FLG: variants seen among roughly 807,000 people sequenced by gnomAD.
FLG encodes the protein filaggrin.
Under a neutral mutation model 3.8 loss-of-function variants are expected in FLG, and 6 were observed. The observed-to-expected ratio is 1.60, with a 90% CI of 0.87 to 3.15. The LOEUF (loss-of-function observed/expected upper bound fraction) is 3.15, where lower values mean the gene tolerates loss of function less well. FLG is among the 30% of genes most tolerant of loss of function. The pLI is 0.00. For missense variants in FLG, 7,595 were observed against 5,050.9 expected, an observed-to-expected ratio of 1.50 and a Z score of -15.27; for synonymous variants, 2,551 against 1,931.6, an observed-to-expected ratio of 1.32 and a Z score of -8.41.
rs150137199 is a variant in FLG, at chr1:152,311,569, C to A, written c.3317G>T (p.Trp1106Leu). 1.1e-4 allele frequency: 183 copies of A among 1,613,810 alleles called. No homozygotes were observed. Among genetic ancestry groups the A allele is most frequent in the Non-Finnish European group, 1.5e-4 (182 of 1,179,956 alleles). Residue 1106 changes from tryptophan (W) to leucine (L), a missense_variant, in exon 3 of 3, where the codon TGG becomes TTG. Physicochemically the swap from Trp to Leu is moderately conservative, Grantham distance 61. Coordinates refer to ENST00000368799, the MANE Select transcript of FLG (RefSeq NM_002016.2). ...TGAACGTCCAGACCTTCCCCCTGAC[C>A]AGTCACGTGCGGACTCTTGGTGGCT... ...QQSHQESARD[W>L]SGGRSGRSGS...
rs754227941 is a variant in FLG at position 152,304,685 on chromosome 1, C to A, written c.10201G>T (p.Gly3401Trp). Residue 3401 changes from glycine to tryptophan, a missense_variant, in exon 3 of 3, where the codon GGG (glycine) becomes TGG (tryptophan). Gly to Trp is a radical substitution (Grantham distance 184). Coordinates refer to ENST00000368799, the MANE Select transcript of FLG (RefSeq NM_002016.2). ...STHEQSESAH[G>W]RTRTSTGRRQ... ...CGTCCAGTGCTGGTCCTGGTCCGCC[C>A]ATGGGCAGACTCAGACTGTTCATGA... The A allele has an allele frequency of 6.2e-7, 1 of 1,612,650 alleles. No homozygotes were observed. Among genetic ancestry groups the A allele is most frequent in the East Asian group, 2.2e-5 (1 of 44,654 alleles).
Position 152,305,595 on chromosome 1 carries a change from G to C in FLG, c.9291C>G (p.Ser3097Arg), listed in dbSNP as rs1557872191. 4.0e-6 allele frequency: 6 copies of C among 1,501,836 alleles called. 1 individual carries two copies. The highest frequency in any genetic ancestry group is 5.3e-6 in the Non-Finnish European group (6 of 1,129,818). The allele number at this position is 1,501,836 out of a possible 1,614,324, so 93.0% of individuals were successfully genotyped here. ...QGSRHEQAQDSSRHSASQYGQ... is the reference protein window; with the variant it reads ...QGSRHEQAQDRSRHSASQYGQ... ...CGTATTGGGATGCTGAGTGCCTGGA[G>C]CTGTCTTGTGCCTGCTCATGGCGGG... Residue 3097 changes from serine to arginine, a missense_variant, in exon 3 of 3, where the codon AGC (serine) becomes AGG (arginine). By Grantham distance (110) the Ser-to-Arg change is moderately radical. Coordinates refer to ENST00000368799, the MANE Select transcript of FLG (RefSeq NM_002016.2).
rs370891418 is a variant in FLG at position 152,314,225 on chromosome 1, C to A, written c.661G>T (p.Gly221Ter). The change falls in exon 3 of 3, where the codon GGA becomes TGA. Residue 221 changes from glycine to a stop codon, truncating the protein, a stop_gained. Transcript: ENST00000368799. LOFTEE classifies it low-confidence loss of function (END_TRUNC). ...EEGVYDYENT[G>*]RMTQKWIQSG... The stretch of plus-strand genomic sequence containing the variant: ...TGTATCCATTTTTGAGTCATTCTTC[C>A]TGTATTTTCATAATCATATACTCCT... 1.2e-6 allele frequency: 2 copies of A among 1,613,732 alleles called. No individual in the cohort carries two copies. Among genetic ancestry groups the A allele is most frequent in the South Asian group, 1.1e-5 (1 of 91,072 alleles).
At position 152,312,533 on chromosome 1, in the gene FLG, C is replaced by A. The variant is rs1271847995; in HGVS notation, c.2353G>T (p.Glu785Ter). ...HQESARDRSGERSRRSGSFLY... is the reference protein window; with the variant it reads ...HQESARDRSG Reference sequence around the variant, plus strand: ...AAAGACCCTGAACGTCGAGACCTTTCCCCTGACCGGTCACGTGCGGACTCT... The same window carrying A: ...AAAGACCCTGAACGTCGAGACCTTTACCCTGACCGGTCACGTGCGGACTCT... Residue 785 changes from glutamate to a stop codon, truncating the protein, a stop_gained, in exon 3 of 3, where the codon GAA becomes TAA. Coordinates refer to ENST00000368799, the MANE Select transcript of FLG (RefSeq NM_002016.2). LOFTEE classifies it low-confidence loss of function (END_TRUNC). 1.9e-6 allele frequency: 3 copies of A among 1,613,438 alleles called. No homozygotes were observed. In the Admixed American group the frequency reaches 5.0e-5, roughly 27 times the overall value.
rs769130811 is a variant in FLG, at chr1:152,308,555, T to C, written c.6331A>G (p.Thr2111Ala). 23 of 1,614,094 alleles carry C rather than the reference T, an allele frequency of 1.4e-5. No homozygotes were observed. The highest frequency in any genetic ancestry group is 7.7e-5 in the South Asian group (7 of 91,068). Residue 2111 changes from threonine to alanine, a missense_variant, in exon 3 of 3, where the codon ACT becomes GCT. Coordinates refer to ENST00000368799, the MANE Select transcript of FLG (RefSeq NM_002016.2). ...ESTHGQSAPS[T>A]GGRQGSHYDQ... ...TAATGGGATCCTTGTCTTCCTCCAG[T>C]GCTGGGCGCAGACTGTCCATGGGTG...
chr1:152,310,336 T>C lies in FLG; in HGVS notation c.4550A>G (p.Tyr1517Cys). The C allele has an allele frequency of 1.9e-6, 3 of 1,613,764 alleles. No individual in the cohort carries two copies. The highest frequency in any genetic ancestry group is 2.5e-6 in the Non-Finnish European group (3 of 1,179,938). ...CTGGGGTGTGGTGTGGCTGTGATGG[T>C]ACCCTGAGTGTCCAGACCTATCTAC... ...QSVDRSGHSG[Y>C]HHSHTTPQGR... The change falls in exon 3 of 3, where the codon TAC becomes TGC. Residue 1517 changes from tyrosine to cysteine, a missense_variant. By Grantham distance (194) the Tyr-to-Cys change is radical. Transcript: ENST00000368799.
At position 152,304,287 on chromosome 1, in the gene FLG, C is replaced by A. The variant is rs1479185674; in HGVS notation, c.10599G>T (p.Arg3533Ser). 2 of 1,612,916 alleles carry A rather than the reference C, an allele frequency of 1.2e-6. No homozygotes were observed. The highest frequency in any genetic ancestry group is 2.7e-5 in the African/African-American group (2 of 74,942). ...CCTGGCTAACACTGGATCCCTGGTT[C>A]CTGCTTGTCCTGGGCCCCGCTGATT... Reference protein sequence around the residue: ...QGQSAGPRTSRNQGSSVSQDS... With the variant: ...QGQSAGPRTSSNQGSSVSQDS... Residue 3533 changes from arginine (R) to serine (S), a missense_variant, in exon 3 of 3, where the codon AGG becomes AGT. By Grantham distance (110) the Arg-to-Ser change is moderately radical. Transcript: ENST00000368799.
Position 152,303,344 on chromosome 1 carries a change from C to T in FLG, c.11542G>A (p.Gly3848Ser), listed in dbSNP as rs373589596. 5 of 1,614,128 alleles carry T rather than the reference C, an allele frequency of 3.1e-6. No homozygotes were observed. The highest frequency in any genetic ancestry group is 3.4e-6 in the Non-Finnish European group (4 of 1,180,028). The change falls in exon 3 of 3, where the codon GGT becomes AGT. Residue 3848 changes from glycine to serine, a missense_variant. Gly to Ser is a moderately conservative substitution (Grantham distance 56). Transcript: ENST00000368799. ...DSSRHSQSGQ[G>S]ESAGSRRSRR... The stretch of plus-strand genomic sequence containing the variant: ...CTTCTCCTGGACCCCGCTGATTCAC[C>T]CTGGCCGGACTGTGAGTGTCTAGAG...
rs1652244757 is a variant in FLG at position 152,309,598 on chromosome 1, C to A, written c.5288G>T (p.Gly1763Val). The A allele has an allele frequency of 6.2e-7, 1 of 1,613,720 alleles. No homozygotes were observed. The highest frequency in any genetic ancestry group is 1.3e-5 in the African/African-American group (1 of 74,818). Residue 1763 changes from glycine to valine, a missense_variant, in exon 3 of 3, where the codon GGG (glycine) becomes GTG (valine). Coordinates refer to ENST00000368799, the MANE Select transcript of FLG (RefSeq NM_002016.2). ...AGTGCTCACCTGGTAGAGGAAAGACCCTGAACGTCCAGACCTTTCCCCTGA... is the reference window on the plus strand; with the variant it reads ...AGTGCTCACCTGGTAGAGGAAAGACACTGAACGTCCAGACCTTTCCCCTGA... ...GQSGERSGRSGSFLYQVSTHE... is the reference protein window; with the variant it reads ...GQSGERSGRSVSFLYQVSTHE...
intron 2 of FLG, chr1:152,314,966 C>A (rs182426113): frequency 3.7e-6 from 2 of 547,818 alleles, no homozygotes; most frequent in Non-Finnish European, 6.3e-6. Flanking sequence ...GGGTAAGTGA[C>A]TCTTTTTCTT....
chr1:152,306,220 G>C lies in FLG; in HGVS notation c.8666C>G (p.Ser2889Cys), dbSNP rs540453626. The change falls in exon 3 of 3, where the codon TCC becomes TGC. Residue 2889 changes from serine (S) to cysteine (C), a missense_variant. Coordinates refer to ENST00000368799, the MANE Select transcript of FLG (RefSeq NM_002016.2). The part of the protein sequence containing the change: ...EGSRRSRRQG[S>C]SVSQDSDSEG... ...ACTGTCACTGTCCTGGCTCACACTG[G>C]ATCCCTGGCGCCTGCTTCTCCTGGA... 1.3e-4 allele frequency: 206 copies of C among 1,604,178 alleles called. No homozygotes were observed. The East Asian group carries it at 4.5e-3, about 35-fold the overall frequency.
chr1:152,307,140 C>T lies in FLG; in HGVS notation c.7746G>A (p.Arg2582=), dbSNP rs1310314284. The T allele has an allele frequency of 5.0e-6, 8 of 1,612,664 alleles. No homozygotes were observed. Among genetic ancestry groups the T allele is most frequent in the Admixed American group, 1.7e-5 (1 of 59,922 alleles). Residue 2582 remains arginine, a synonymous_variant, in exon 3 of 3, where the codon AGG becomes AGA. Coordinates refer to ENST00000368799, the MANE Select transcript of FLG (RefSeq NM_002016.2). ...DSQGHSEDSE[R]WSGSASRNHH... is the part of the protein sequence containing the mutation. ...GGTTTCTGGAAGCAGACCCAGACCA[C>T]CTCTCAGAGTCTTCTGAGTGTCCCT...
intron 1 of FLG, among the ~76,000 whole-genome samples, chr1:152,323,127 A>G (rs1411203215): frequency 6.6e-6 from 1 of 151,674 alleles, no homozygotes; most frequent in Non-Finnish European, 1.5e-5. Context: ...TCTTGAATAA[A>G]TGGTGCTGGG....
In FLG at chr1:152,313,030, G is replaced by T. The variant is rs201723280; in HGVS notation, c.1856C>A (p.Ser619Tyr). Reference protein sequence around the residue: ...SGPRTSRNQGSSVSQDSDSQG... With the variant: ...SGPRTSRNQGYSVSQDSDSQG... Reference sequence around the variant, plus strand: ...ACTGTCACTGTCCTGGCTAACACTGGATCCCTGGTTCCTACTTGTCCTGGG... The same window carrying T: ...ACTGTCACTGTCCTGGCTAACACTGTATCCCTGGTTCCTACTTGTCCTGGG... The change falls in exon 3 of 3, where the codon TCC becomes TAC. Residue 619 changes from serine (S) to tyrosine (Y), a missense_variant. By Grantham distance (144) the Ser-to-Tyr change is moderately radical (BLOSUM62 -2). Coordinates refer to ENST00000368799, the MANE Select transcript of FLG (RefSeq NM_002016.2). 1.7e-4 allele frequency: 268 copies of T among 1,613,888 alleles called. No individual in the cohort carries two copies. The highest frequency in any genetic ancestry group is 2.2e-4 in the South Asian group (20 of 91,074).
rs763293925 is a variant in FLG, at chr1:152,311,318, G to A, written c.3568C>T (p.His1190Tyr). The change falls in exon 3 of 3, where the codon CAC becomes TAC. Residue 1190 changes from histidine to tyrosine, a missense_variant. His to Tyr is a moderately conservative substitution (Grantham distance 83). Coordinates refer to ENST00000368799, the MANE Select transcript of FLG (RefSeq NM_002016.2). ...GTGTGGCTGTGATGGGACCCTGAGT[G>A]TCCAGATCTATCTACCGATTGCTCA... Reference protein sequence around the residue: ...HHEQSVDRSGHSGSHHSHTTS... With the variant: ...HHEQSVDRSGYSGSHHSHTTS... The A allele has an allele frequency of 6.2e-7, 1 of 1,613,866 alleles. No homozygotes were observed. Among genetic ancestry groups the A allele is most frequent in the South Asian group, 1.1e-5 (1 of 91,060 alleles).
In FLG at chr1:152,306,223, C is replaced by T. The variant is rs755615149; in HGVS notation, c.8663G>A (p.Gly2888Glu). The change falls in exon 3 of 3, where the codon GGA becomes GAA. Residue 2888 changes from glycine (G) to glutamate (E), a missense_variant. Physicochemically the swap from Gly to Glu is moderately conservative, Grantham distance 98. Coordinates refer to ENST00000368799, the MANE Select transcript of FLG (RefSeq NM_002016.2). ...SEGSRRSRRQ[G>E]SSVSQDSDSE... is the part of the protein sequence containing the mutation. ...GTCACTGTCCTGGCTCACACTGGAT[C>T]CCTGGCGCCTGCTTCTCCTGGACCC... 63 of 1,604,422 alleles carry T rather than the reference C, an allele frequency of 3.9e-5. No homozygotes were observed. Among genetic ancestry groups the T allele is most frequent in the Non-Finnish European group, 4.9e-5 (58 of 1,180,018 alleles).
At position 152,305,559 on chromosome 1, in the gene FLG, G is replaced by A; in HGVS notation, c.9327C>T (p.Thr3109=). Residue 3109 remains threonine, a synonymous_variant, in exon 3 of 3, where the codon ACC becomes ACT. Coordinates refer to ENST00000368799, the MANE Select transcript of FLG (RefSeq NM_002016.2). ...TGCTTGACCCCGGGTGTCCACGAAT[G>A]GTGTCCTGACCGTATTGGGATGCTG... is the stretch of plus-strand genomic sequence containing the variant. ...RHSASQYGQD[T]IRGHPGSSRG... The A allele has an allele frequency of 1.3e-6, 2 of 1,517,212 alleles. No individual in the cohort carries two copies. Among genetic ancestry groups the A allele is most frequent in the Non-Finnish European group, 1.8e-6 (2 of 1,138,080 alleles). The allele number at this position is 1,517,212 out of a possible 1,614,324, so 94.0% of individuals were successfully genotyped here. A position where few individuals can be genotyped will look rare whatever the true frequency, so the allele number is the denominator to read the frequency against.
Position 152,307,866 on chromosome 1 carries a change from G to A in FLG, c.7020C>T (p.Ser2340=). The change falls in exon 3 of 3, where the codon AGC becomes AGT. Residue 2340 remains serine (S), a synonymous_variant. Coordinates refer to ENST00000368799, the MANE Select transcript of FLG (RefSeq NM_002016.2). ...CGTGCCCAATGCCTGAGTGTCTGGA[G>A]CTGTCTGCTGACTGCTGGTGGTGGG... ...HGSHHQQSAD[S]SRHSGIGHGQ... 6.2e-7 allele frequency: 1 copy of A among 1,613,118 alleles called. No individual in the cohort carries two copies. Among genetic ancestry groups the A allele is most frequent in the Non-Finnish European group, 8.5e-7 (1 of 1,179,716 alleles).
At position 152,309,733 on chromosome 1, in the gene FLG, TG is replaced by T. The variant is rs1652255535; in HGVS notation, c.5152del (p.Gln1718ArgfsTer52). ...TGAGTGTCCCTCGCTGTCACTGGCC[TG>T]GCTACCACTGGACCCTCGGTTTCCA... ...DSGNRGSSGS[Q>X]ASDSEGHSEE... On this transcript the variant is annotated frameshift_variant, in exon 3 of 3. Coordinates refer to ENST00000368799, the MANE Select transcript of FLG (RefSeq NM_002016.2). LOFTEE classifies it low-confidence loss of function (END_TRUNC). 1 of 1,613,984 alleles carries T rather than the reference TG, an allele frequency of 6.2e-7. No homozygotes were observed. Among genetic ancestry groups the T allele is most frequent in the Non-Finnish European group, 8.5e-7 (1 of 1,180,020 alleles).
Sources: allele counts gnomAD v4.1 joint callset (sites outside exome capture counted in the v4.1 genomes callset), GRCh38; gene constraint gnomAD v4.1.1; transcripts MANE v1.5; gene names NCBI Gene and HGNC (gene_info 2026-07-23, HGNC 2026-07-21).